Variants in GLRA2 observed in about 807,000 individuals in gnomAD.
GLRA2 encodes the protein glycine receptor subunit alpha-2.
GLRA2 carries 11 observed loss-of-function variants against 31.6 expected under a neutral mutation model. The ratio of observed to expected loss-of-function variants is 0.35; its 90% CI spans 0.22 to 0.58. GLRA2 has a LOEUF of 0.58. GLRA2 is among the 20% of genes least tolerant of loss of function. The pLI, the probability that GLRA2 is intolerant of heterozygous loss-of-function variation, is 0.84. For missense variants in GLRA2, 212 were observed against 351.8 expected (o/e 0.60, Z 3.18); for synonymous variants, 132 against 134.0 (o/e 0.99, Z 0.10).
At chrX:14,668,503 C>T (rs1186714787) in intron 7 of GLRA2, among the ~76,000 whole-genome samples, 6 of 111,623 alleles carry the variant, frequency 5.4e-5, no homozygotes, top group African/African-American at 1.3e-4. Flanking sequence ...TGTATTAGTC[C>T]GTTTTCACAC....
In GLRA2 at chrX:14,731,088, G is replaced by C. The variant is rs1318978886; in HGVS notation, c.*603G>C. 1 of 111,954 alleles carries C rather than the reference G, an allele frequency of 8.9e-6. No individual in the cohort carries two copies. The highest frequency in any genetic ancestry group is 1.9e-5 in the Non-Finnish European group (1 of 53,213). The allele number at this position is 111,954 out of a possible 1,213,427, so 9.2% of individuals were successfully genotyped here. On this transcript the variant is annotated 3_prime_UTR_variant, in exon 9 of 9. Coordinates refer to ENST00000218075, the MANE Select transcript of GLRA2 (RefSeq NM_002063.4). ...GTTCTTTACAATGTCTGTAATTAGT[G>C]TTTCACTTGAGAAAGCCTTTTGTGG...
intron 7 of GLRA2, among the ~76,000 whole-genome samples, chrX:14,684,393 T>C (rs1013231504): frequency 8.9e-6 from 1 of 111,883 alleles, no homozygotes; most frequent in Non-Finnish European, 1.9e-5. Context: ...ATTGAATCTA[T>C]AAATTACCTT....
chrX:14,621,453 T>C (rs2090516885), intron 7 of GLRA2, among the ~76,000 whole-genome samples: 1 of 111,310 alleles, frequency 9.0e-6, no homozygotes, highest in Non-Finnish European at 1.9e-5. Context: ...CATGTTGGTG[T>C]GCTGCACCCA....
At chrX:14,602,246 T>C (rs1269154667) in intron 4 of GLRA2, among the ~76,000 whole-genome samples, 1 of 111,188 alleles carries the variant, frequency 9.0e-6, no homozygotes, top group South Asian at 3.8e-4. Context: ...TATCCTGATA[T>C]AAGGATCAGC....
Position 14,730,543 on chromosome X carries a change from G to A in GLRA2, c.*58G>A, listed in dbSNP as rs2091980120. ...TCAGTGTTGTGCTTGTAAATACACA[G>A]TGAAATTGTCTTTATATCACTTTGA... On this transcript the variant is annotated 3_prime_UTR_variant, in exon 9 of 9. Coordinates refer to ENST00000218075, the MANE Select transcript of GLRA2 (RefSeq NM_002063.4). 2 of 610,643 alleles carry A rather than the reference G, an allele frequency of 3.3e-6. No individual in the cohort carries two copies. Among genetic ancestry groups the A allele is most frequent in the East Asian group, 1.5e-4 (2 of 13,488 alleles). 50.3% of individuals were successfully genotyped at this position (610,643 alleles called of 1,213,427 possible).
At chrX:14,538,534 C>T (rs2147005965) in intron 2 of GLRA2, among the ~76,000 whole-genome samples, 1 of 111,009 alleles carries the variant, frequency 9.0e-6, no homozygotes, top group South Asian at 3.8e-4. Context: ...GTTGGTTTTC[C>T]TTATATTAGT....
In GLRA2 at chrX:14,697,317, GT is replaced by G. The variant is rs758087750; in HGVS notation, c.1080+6464del. ...CTGGATTACTCATTTTAAACAAAAT[GT>G]TTTTTATTAATAGTTGCATTAAAAT... On this transcript the variant is annotated intron_variant, in intron 8 of 8. Transcript: ENST00000218075. Among the ~76,000 whole-genome samples the G allele has an allele frequency of 1.3e-3, 147 of 111,959 alleles. 1 individual carries two copies. Among genetic ancestry groups the G allele is most frequent in the Non-Finnish European group, 1.8e-3 (94 of 53,166 alleles).
intron 1 of GLRA2, chrX:14,531,115 TCAC>T (rs1189310263): frequency 7.5e-6 from 7 of 929,207 alleles, no homozygotes; most frequent in East Asian, 7.6e-5. Flanking sequence ...ATCATCATCC[TCAC>T]CACCACCACC....
chrX:14,533,109 T>A (rs2089279669), intron 2 of GLRA2, among the ~76,000 whole-genome samples: 1 of 111,158 alleles, frequency 9.0e-6, no homozygotes, highest in Non-Finnish European at 1.9e-5. Context: ...AGAATAAGAA[T>A]CAATTACTAA....
intron 8 of GLRA2, among the ~76,000 whole-genome samples, chrX:14,700,269 A>G (rs1299960077): frequency 7.2e-5 from 8 of 111,017 alleles, no homozygotes. Flanking sequence ...AGGAGTGTAC[A>G]GAGTGAGAAG....
At chrX:14,480,913 A>T in the GLRA2 span, among the ~76,000 whole-genome samples, 1 of 111,544 alleles carries the variant, frequency 9.0e-6, no homozygotes, top group Non-Finnish European at 1.9e-5. Context: ...ATTCTGTGAA[A>T]AATGACATTG....
At chrX:14,497,974 T>C in the GLRA2 span, among the ~76,000 whole-genome samples, 14 of 111,422 alleles carry the variant, frequency 1.3e-4, no homozygotes, top group South Asian at 3.8e-4. Flanking sequence ...CTCTAATATA[T>C]AGTGAACACT....
chrX:14,621,672 G>T (rs184324911), intron 7 of GLRA2, among the ~76,000 whole-genome samples: 61 of 111,558 alleles, frequency 5.5e-4, no homozygotes, highest in Middle Eastern at 9.3e-3. Flanking sequence ...CTTCATCCAT[G>T]TCCCTACAAA....
At chrX:14,568,962 T>C (rs1350062423) in intron 2 of GLRA2, among the ~76,000 whole-genome samples, 1 of 111,228 alleles carries the variant, frequency 9.0e-6, no homozygotes, top group Non-Finnish European at 1.9e-5. Flanking sequence ...TTAAACTTTA[T>C]CAAAACTAAA....
chrX:14,647,445 T>G (rs1489635911), intron 7 of GLRA2, among the ~76,000 whole-genome samples: 1 of 111,474 alleles, frequency 9.0e-6, no homozygotes, highest in Non-Finnish European at 1.9e-5. Context: ...TACCAGTGCT[T>G]GGCAGTACCA....
chrX:14,668,417 C>G (rs1469834540), intron 7 of GLRA2, among the ~76,000 whole-genome samples: 1 of 111,946 alleles, frequency 8.9e-6, no homozygotes, highest in Non-Finnish European at 1.9e-5. Flanking sequence ...TCATTGGGGC[C>G]CATTTTAGAA....
intron 2 of GLRA2, among the ~76,000 whole-genome samples, chrX:14,569,782 G>T (rs1229783802): frequency 8.9e-6 from 1 of 112,044 alleles, no homozygotes; most frequent in African/African-American, 3.2e-5. Context: ...TAAAAGCAGG[G>T]ACTCAAACCT....
chrX:14,530,053 C>T lies in GLRA2; in HGVS notation c.-5C>T. Reference sequence around the variant, plus strand: ...ATATTTTCCACAAGCAACACAGAAACAGGAATGAACCGGCAGCTAGTGAAC... The same window carrying T: ...ATATTTTCCACAAGCAACACAGAAATAGGAATGAACCGGCAGCTAGTGAAC... On this transcript the variant is annotated 5_prime_UTR_variant, in exon 1 of 9. Coordinates refer to ENST00000218075, the MANE Select transcript of GLRA2 (RefSeq NM_002063.4). The T allele has an allele frequency of 8.4e-7, 1 of 1,187,515 alleles. No homozygotes were observed. Among genetic ancestry groups the T allele is most frequent in the Non-Finnish European group, 1.1e-6 (1 of 873,325 alleles).
At chrX:14,582,919 T>A (rs1015404138) in intron 4 of GLRA2, among the ~76,000 whole-genome samples, 4 of 112,219 alleles carry the variant, frequency 3.6e-5, no homozygotes, top group Non-Finnish European at 5.6e-5. Flanking sequence ...AAATAGATGG[T>A]GGACTGGATT....
Sources: gnomAD v4.1 joint callset for allele counts (sites outside exome capture counted in the v4.1 genomes callset) on GRCh38, gnomAD v4.1.1 for gene constraint, MANE v1.5 for transcripts, NCBI Gene and HGNC (gene_info 2026-07-23, HGNC 2026-07-21) for gene names.